The following MACF1 variants were observed in gnomAD, a reference collection of about 807,000 sequenced individuals.
MACF1 encodes microtubule-actin cross-linking factor 1.
A neutral mutation model predicts 854.8 loss-of-function variants in MACF1; 193 were observed. The ratio of observed to expected loss-of-function variants is 0.23; its 90% confidence interval spans 0.20 to 0.25. MACF1 has a LOEUF of 0.25. MACF1 is among the 10% of genes least tolerant of loss of function. The pLI is 1.00. For missense variants in MACF1, 7,722 were observed against 8,929.1 expected, an observed-to-expected ratio of 0.86 and a Z score of 5.45; for synonymous variants, 3,185 against 3,226.7, an observed-to-expected ratio of 0.99 and a Z score of 0.44.
At chr1:39,132,273 G>A (rs993783351) in intron 2 of MACF1, among the ~76,000 whole-genome samples, 2 of 152,154 alleles carry the variant, frequency 1.3e-5, no homozygotes, top group Non-Finnish European at 2.9e-5. Flanking sequence ...ACAACCTCAG[G>A]TTGGGTGGAT....
intron 56 of MACF1, among the ~76,000 whole-genome samples, chr1:39,383,028 G>A (rs1650380002): frequency 6.6e-6 from 1 of 152,334 alleles, no homozygotes; most frequent in Admixed American, 6.5e-5. Context: ...GGCTGAGGCA[G>A]GAGAATTGCT....
chr1:39,411,571 G>C (rs1257835746), intron 58 of MACF1: 1 of 1,613,878 alleles, frequency 6.2e-7, no homozygotes, highest in South Asian at 1.1e-5. Flanking sequence ...AAACAGAACT[G>C]CTCAGGGGTT....
chr1:39,426,581 T>A (rs1016356365), intron 61 of MACF1, among the ~76,000 whole-genome samples: 2 of 152,236 alleles, frequency 1.3e-5, no homozygotes, highest in African/African-American at 4.8e-5. Flanking sequence ...CCTCACTTTG[T>A]AATTTGCTGC....
intron 23 of MACF1, among the ~76,000 whole-genome samples, chr1:39,306,694 T>C (rs1415135280): frequency 6.6e-6 from 1 of 151,422 alleles, no homozygotes; most frequent in African/African-American, 2.4e-5. Context: ...GACCCACTAA[T>C]TACTAGATTC....
chr1:39,340,163 C>G (rs1289708733), intron 38 of MACF1, among the ~76,000 whole-genome samples: 2 of 152,164 alleles, frequency 1.3e-5, no homozygotes, highest in East Asian at 3.9e-4. Flanking sequence ...CTCAGAGAGG[C>G]AGCAAGTTAC....
chr1:39,368,633 C>T (rs1004980887), intron 50 of MACF1, among the ~76,000 whole-genome samples: 1 of 152,020 alleles, frequency 6.6e-6, no homozygotes, highest in Non-Finnish European at 1.5e-5. Context: ...TCCTGAGTGG[C>T]TGGGATTACA....
Position 39,334,185 on chromosome 1 carries a change from G to T in MACF1, c.7597G>T (p.Glu2533Ter), listed in dbSNP as rs371939396. 1 of 1,614,062 alleles carries T rather than the reference G, an allele frequency of 6.2e-7. No homozygotes were observed. Among genetic ancestry groups the T allele is most frequent in the South Asian group, 1.1e-5 (1 of 91,060 alleles). ...RHGLIGEDLA[E>*]KLKRVENLNI... ...TGGCTTAATTGGTGAAGATTTAGCC[G>T]AGAAACTCAAAAGAGTTGAGAACTT... Residue 2533 changes from glutamate to a stop codon, truncating the protein, a stop_gained, in exon 37 of 101, where the codon GAG becomes TAG. Transcript: ENST00000564288. LOFTEE classifies it high-confidence loss of function.
chr1:39,214,177 G>T (rs1644548879), intron 1 of MACF1, among the ~76,000 whole-genome samples: 1 of 152,186 alleles, frequency 6.6e-6, no homozygotes, highest in Non-Finnish European at 1.5e-5. Flanking sequence ...CAGAGGGCCA[G>T]TGATTAGGCC....
intron 31 of MACF1, among the ~76,000 whole-genome samples, chr1:39,321,315 A>G (rs1410479259): frequency 6.6e-6 from 1 of 152,238 alleles, no homozygotes; most frequent in African/African-American, 2.4e-5. Flanking sequence ...TAAAGATTAA[A>G]TGAGATAATG....
In MACF1 at chr1:39,486,779, T is replaced by C. The variant is rs1049297367; in HGVS notation, c.*985T>C. The C allele has an allele frequency of 1.3e-5, 2 of 152,608 alleles. No homozygotes were observed. The highest frequency in any genetic ancestry group is 4.8e-5 in the African/African-American group (2 of 41,432). The allele number at this position is 152,608 out of a possible 1,614,324, so 9.5% of individuals were successfully genotyped here. A position where few individuals can be genotyped will look rare whatever the true frequency, so the allele number is the denominator to read the frequency against. ...ACCAGTCCTGTTTGCTTTCGTCTTT[T>C]TTTGTGCGTAATAAAGTCAACTGAC... On this transcript the variant is annotated 3_prime_UTR_variant, in exon 101 of 101. Coordinates refer to ENST00000564288, the MANE Select transcript of MACF1 (RefSeq NM_001394062.1).
Position 39,292,161 on chromosome 1 carries a change from GAGCGGTTTATGACAA to G in MACF1, c.1914+125_1914+139del, listed in dbSNP as rs1441518228. Reference sequence around the variant, plus strand: ...TCTGGAAAAGAATAATGATGATGAAGAGCGGTTTATGACAAATTCCCTTTTCACATGAAGTGTATC... The same window carrying G: ...TCTGGAAAAGAATAATGATGATGAAGATTCCCTTTTCACATGAAGTGTATC... On this transcript the variant is annotated intron_variant, in intron 16 of 100. Transcript: ENST00000564288. The G allele has an allele frequency of 3.8e-5, 44 of 1,159,092 alleles. No homozygotes were observed. The African/African-American group carries it at 6.7e-4, about 18-fold the overall frequency. 71.8% of individuals were successfully genotyped at this position (1,159,092 alleles called of 1,614,324 possible). A position where few individuals can be genotyped will look rare whatever the true frequency, so the allele number is the denominator to read the frequency against.
At chr1:39,225,002 T>G (rs188595642) in intron 1 of MACF1, among the ~76,000 whole-genome samples, 1 of 152,074 alleles carries the variant, frequency 6.6e-6, no homozygotes, top group African/African-American at 2.4e-5. Flanking sequence ...CTGGACAACA[T>G]ACTGACACCC....
intron 2 of MACF1, among the ~76,000 whole-genome samples, chr1:39,234,336 G>C (rs912707787): frequency 2.6e-4 from 39 of 151,850 alleles, no homozygotes; most frequent in Non-Finnish European, 4.6e-4. Context: ...TGGCCGGGCA[G>C]AGGGGCTCCT....
In MACF1 at chr1:39,336,586, C is replaced by T. The variant is rs1646813839; in HGVS notation, c.9998C>T (p.Pro3333Leu). The T allele has an allele frequency of 1.2e-6, 2 of 1,614,064 alleles. No individual in the cohort carries two copies. The highest frequency in any genetic ancestry group is 2.2e-5 in the South Asian group (2 of 91,070). Residue 3333 changes from proline to leucine, a missense_variant, in exon 37 of 101, where the codon CCC becomes CTC. This residue lies in a region of MACF1 where 854 missense variants were observed against 852.6 expected (regional missense o/e 1.00). Transcript: ENST00000564288. ...GAAAGCCCTGGCAGTGAACAAACTCCCTTCATGACTGCACCTGAAGGAAAG... is the reference window on the plus strand; with the variant it reads ...GAAAGCCCTGGCAGTGAACAAACTCTCTTCATGACTGCACCTGAAGGAAAG... The part of the protein sequence containing the change: ...LRESPGSEQT[P>L]FMTAPEGKGN...
In MACF1 at chr1:39,294,993, C is replaced by A. The variant is rs1645870485; in HGVS notation, c.2155-53C>A. 4 of 1,289,510 alleles carry A rather than the reference C, an allele frequency of 3.1e-6. No homozygotes were observed. In the Admixed American group the frequency reaches 5.1e-5, roughly 16 times the overall value. The allele number at this position is 1,289,510 out of a possible 1,614,324, so 79.9% of individuals were successfully genotyped here. Reference sequence around the variant, plus strand: ...GGAACACAGCTTTTATTTATGCTATCCGCTCCCCACTGCCAAGAGTGCTTA... The same window carrying A: ...GGAACACAGCTTTTATTTATGCTATACGCTCCCCACTGCCAAGAGTGCTTA... On this transcript the variant is annotated intron_variant, in intron 18 of 100. Transcript: ENST00000564288.
chr1:39,250,943 G>C (rs1000809906), intron 3 of MACF1, among the ~76,000 whole-genome samples: 2 of 152,170 alleles, frequency 1.3e-5, no homozygotes, highest in African/African-American at 4.8e-5. Flanking sequence ...TTTTCATTTA[G>C]AAAAGTCCAG....
In MACF1 at chr1:39,336,617, TG is replaced by T. The variant is rs1205021670; in HGVS notation, c.10031del (p.Gly3344GlufsTer3). 2 of 1,612,404 alleles carry T rather than the reference TG, an allele frequency of 1.2e-6. No homozygotes were observed. The highest frequency in any genetic ancestry group is 2.7e-5 in the African/African-American group (2 of 74,620). On this transcript the variant is annotated frameshift_variant, in exon 37 of 101. Coordinates refer to ENST00000564288, the MANE Select transcript of MACF1 (RefSeq NM_001394062.1). LOFTEE classifies it high-confidence loss of function. ...FMTAPEGKGN[G>X]GVNPEPFRAT... ...TGACTGCACCTGAAGGAAAGGGAAA[TG>T]GAGGTGTAAACCCAGAGCCCTTCAG...
At position 39,332,355 on chromosome 1, in the gene MACF1, C is replaced by A. The variant is rs755847609; in HGVS notation, c.5767C>A (p.Pro1923Thr). 5.0e-6 allele frequency: 8 copies of A among 1,613,996 alleles called. No homozygotes were observed. Among genetic ancestry groups the A allele is most frequent in the Non-Finnish European group, 6.8e-6 (8 of 1,180,006 alleles). Residue 1923 changes from proline (P) to threonine (T), a missense_variant, in exon 37 of 101, where the codon CCT becomes ACT. Pro to Thr is a conservative substitution (Grantham distance 38). Transcript: ENST00000564288. ...LANNLKSICI[P>T]DVMPHMQLAD... ...CAATAACTTAAAATCGATTTGTATA[C>A]CTGATGTGATGCCCCACATGCAACT...
At chr1:39,476,999 C>T (rs979571389) in intron 97 of MACF1, among the ~76,000 whole-genome samples, 1 of 129,910 alleles carries the variant, frequency 7.7e-6, no homozygotes, top group Non-Finnish European at 1.7e-5. Context: ...TCCACAGTCC[C>T]GTTCTCCCTC....
Sources: allele counts gnomAD v4.1 joint callset (sites outside exome capture counted in the v4.1 genomes callset), GRCh38; gene constraint gnomAD v4.1.1; regional missense constraint gnomAD v4.1.1; transcripts MANE v1.5; gene names NCBI Gene and HGNC (gene_info 2026-07-23, HGNC 2026-07-21).